PCLO: variants seen among roughly 807,000 people sequenced by gnomAD.
PCLO encodes the protein piccolo presynaptic cytomatrix protein, also known as protein piccolo.
A neutral mutation model predicts 427.5 loss-of-function variants in PCLO; 82 were observed. The observed-to-expected ratio is 0.19, with a 90% CI of 0.16 to 0.23. PCLO has a LOEUF of 0.23. Ranked by LOEUF, PCLO falls within the 10% of genes least tolerant of loss-of-function variation. PCLO has a pLI of 1.00. For synonymous variants in PCLO, 2,357 were observed against 2,155.4 expected (o/e 1.09, Z -2.59); for missense variants, 6,239 against 6,115.9 (o/e 1.02, Z -0.67).
In PCLO at chr7:82,887,016, C is replaced by A. The variant is rs184790556; in HGVS notation, c.13529-7554G>T. Among the ~76,000 whole-genome samples, 721 of 152,232 alleles carry A rather than the reference C, an allele frequency of 4.7e-3. 4 individuals carry two copies. Among genetic ancestry groups the A allele is most frequent in the African/African-American group, 0.017 (689 of 41,548 alleles). On this transcript the variant is annotated intron_variant, in intron 9 of 24. Transcript: ENST00000333891. The stretch of plus-strand genomic sequence containing the variant: ...TTTAGTGTATTTGATTTTTCTCAAT[C>A]TCTTCAGTATTGTCTTCAGGGATGG...
At position 82,953,361 on chromosome 7, in the gene PCLO, G is replaced by A. The variant is rs1795411302; in HGVS notation, c.7592C>T (p.Pro2531Leu). Residue 2531 changes from proline to leucine, a missense_variant, in exon 5 of 25, where the codon CCC (proline) becomes CTC (leucine). Transcript: ENST00000333891. Reference sequence around the variant, plus strand: ...AGTTAAAGATAGGCCTGTTGGTTTGGGGTGTATATCTGTTGGTTTTTGTGT... The same window carrying A: ...AGTTAAAGATAGGCCTGTTGGTTTGAGGTGTATATCTGTTGGTTTTTGTGT... ...TTTQKPTDIHPKPTGLSLTSS... is the reference protein window; with the variant it reads ...TTTQKPTDIHLKPTGLSLTSS... 1 of 1,613,650 alleles carries A rather than the reference G, an allele frequency of 6.2e-7. No homozygotes were observed. The highest frequency in any genetic ancestry group is 1.7e-5 in the Admixed American group (1 of 59,958).
At chr7:83,129,720 A>C (rs1032351638) in intron 3 of PCLO, among the ~76,000 whole-genome samples, 2 of 152,218 alleles carry the variant, frequency 1.3e-5, no homozygotes, top group African/African-American at 4.8e-5. Flanking sequence ...AAAAACATAC[A>C]TCCATAGAAT....
chr7:82,949,436 A>T (rs1270459801), intron 6 of PCLO, 40 bp downstream of exon 6: 1 of 1,431,078 alleles, frequency 7.0e-7, no homozygotes, highest in Admixed American at 2.2e-5. Context: ...ATGATTAATA[A>T]CTCATCCATT....
chr7:82,763,108 G>C (rs749972501), intron 22 of PCLO, among the ~76,000 whole-genome samples: 2 of 152,044 alleles, frequency 1.3e-5, no homozygotes, highest in African/African-American at 4.8e-5. Flanking sequence ...ATGAATATTA[G>C]AAAGAAATGC....
chr7:82,855,874 G>A (rs932112910), intron 10 of PCLO, among the ~76,000 whole-genome samples: 4 of 152,090 alleles, frequency 2.6e-5, no homozygotes, highest in Non-Finnish European at 5.9e-5. Flanking sequence ...AAAGGAAGTA[G>A]GGACCAGCAT....
chr7:82,823,247 C>G (rs763870320), intron 19 of PCLO, among the ~76,000 whole-genome samples: 15 of 152,100 alleles, frequency 9.9e-5, no homozygotes, highest in Non-Finnish European at 1.6e-4. Flanking sequence ...AAAACTCATT[C>G]ATAAATAATC....
chr7:82,991,108 G>T (rs930384148), intron 3 of PCLO, among the ~76,000 whole-genome samples: 2 of 152,032 alleles, frequency 1.3e-5, no homozygotes, highest in African/African-American at 4.8e-5. Context: ...AATGTTCTAA[G>T]AATTCTTTCT....
chr7:83,009,621 C>T (rs1788029805), intron 3 of PCLO, among the ~76,000 whole-genome samples: 1 of 151,690 alleles, frequency 6.6e-6, no homozygotes, highest in Admixed American at 6.6e-5. Flanking sequence ...GAATACAAAG[C>T]TCGTATCAAA....
At position 82,950,020 on chromosome 7, in the gene PCLO, T is replaced by C; in HGVS notation, c.10568A>G (p.Glu3523Gly). 1 of 1,613,288 alleles carries C rather than the reference T, an allele frequency of 6.2e-7. No individual in the cohort carries two copies. Among genetic ancestry groups the C allele is most frequent in the Non-Finnish European group, 8.5e-7 (1 of 1,179,762 alleles). The change falls in exon 6 of 25, where the codon GAG (glutamate) becomes GGG (glycine). Residue 3523 changes from glutamate (E) to glycine (G), a missense_variant. Physicochemically the swap from Glu to Gly is moderately conservative, Grantham distance 98. Transcript: ENST00000333891. ...VSSIAVQTVA[E>G]ISVQTEPVGT... Reference sequence around the variant, plus strand: ...AACTGGTTCAGTTTGCACAGATATCTCTGCTACCGTTTGAACTGCTATGCT... The same window carrying C: ...AACTGGTTCAGTTTGCACAGATATCCCTGCTACCGTTTGAACTGCTATGCT...
At chr7:82,810,887 A>G (rs148459919) in intron 20 of PCLO, among the ~76,000 whole-genome samples, 43 of 151,808 alleles carry the variant, frequency 2.8e-4, no homozygotes, top group African/African-American at 9.4e-4. Context: ...TAAATTGTAG[A>G]CTTCACTTTT....
intron 9 of PCLO, among the ~76,000 whole-genome samples, chr7:82,901,531 T>C (rs950922020): frequency 2.6e-5 from 4 of 151,978 alleles, no homozygotes; most frequent in Non-Finnish European, 5.9e-5. Context: ...ACTTCATGTC[T>C]AAAACACCAA....
chr7:82,959,076 A>AT lies in PCLO; in HGVS notation c.4018-2142dup, dbSNP rs539174690. ...GTGTATTCTTATTTTTCTTCTTACT[A>AT]TTTTTTTTTAGATGGAGTCACGCTC... On this transcript the variant is annotated intron_variant, in intron 4 of 24. Transcript: ENST00000333891. 8.5e-3 allele frequency among the ~76,000 whole-genome samples: 1,285 copies of AT among 150,830 alleles called. 9 individuals are homozygous for AT. Among genetic ancestry groups the AT allele is most frequent in the Non-Finnish European group, 0.011 (727 of 67,598 alleles).
In PCLO at chr7:82,951,135, T is replaced by G. The variant is rs757738249; in HGVS notation, c.9453A>C (p.Glu3151Asp). Residue 3151 changes from glutamate (E) to aspartate (D), a missense_variant, in exon 6 of 25, where the codon GAA (glutamate) becomes GAC (aspartate). Glu to Asp is a conservative substitution (Grantham distance 45). This residue lies in a region of PCLO where 4,677 missense variants were observed against 4,468.4 expected (regional missense o/e 1.05). Coordinates refer to ENST00000333891, the MANE Select transcript of PCLO (RefSeq NM_033026.6). ...RSYFITTGAS[E>D]TDIAVTGIDI... is the part of the protein sequence containing the mutation. ...CAATACCAGTTACTGCAATGTCCGT[T>G]TCAGATGCACCTGTTGTTATAAAAT... is the stretch of plus-strand genomic sequence containing the variant. 1.9e-6 allele frequency: 3 copies of G among 1,613,812 alleles called. No homozygotes were observed. The highest frequency in any genetic ancestry group is 2.5e-6 in the Non-Finnish European group (3 of 1,179,800).
At chr7:83,023,318 A>G (rs1379424923) in intron 3 of PCLO, among the ~76,000 whole-genome samples, 1 of 152,228 alleles carries the variant, frequency 6.6e-6, no homozygotes. Context: ...AACTACTTAT[A>G]ATATTATGAC....
intron 20 of PCLO, among the ~76,000 whole-genome samples, chr7:82,811,268 T>A (rs1007254593): frequency 1.3e-5 from 2 of 151,558 alleles, no homozygotes; most frequent in Non-Finnish European, 3.0e-5. Context: ...ATTTGGGAAT[T>A]TTTACCCCCT....
intron 6 of PCLO, among the ~76,000 whole-genome samples, chr7:82,935,874 T>C (rs1212202581): frequency 6.6e-6 from 1 of 151,666 alleles, no homozygotes; most frequent in Non-Finnish European, 1.5e-5. Flanking sequence ...AGAATCAACC[T>C]TTCTGGAACT....
chr7:83,123,683 C>T (rs1438169644), intron 3 of PCLO, among the ~76,000 whole-genome samples: 1 of 152,076 alleles, frequency 6.6e-6, no homozygotes, highest in Admixed American at 6.5e-5. Context: ...AGTGAAGGGA[C>T]AACCCATATA....
intron 9 of PCLO, 78 bp downstream of exon 9, chr7:82,902,573 T>A (rs748989412): frequency 3.9e-6 from 2 of 515,374 alleles, no homozygotes; most frequent in Non-Finnish European, 7.1e-6. Context: ...ACTGAAAGTA[T>A]AATAATAAAA....
chr7:83,155,192 C>T lies in PCLO; in HGVS notation c.1449G>A (p.Gln483=). 1 of 1,609,586 alleles carries T rather than the reference C, an allele frequency of 6.2e-7. No individual in the cohort carries two copies. Among genetic ancestry groups the T allele is most frequent in the Non-Finnish European group, 8.5e-7 (1 of 1,178,798 alleles). The part of the protein sequence containing the change: ...LPGPAKPPPQ[Q]PGPAKPPPQQ... ...GAGGTGGGGGCTTTGCTGGGCCAGG[C>T]TGTTGAGGTGGGGGCTTTGCTGGGC... The change falls in exon 2 of 25, where the codon CAG becomes CAA. Residue 483 remains glutamine, a synonymous_variant. Transcript: ENST00000333891.
Sources: gnomAD v4.1 joint callset for allele counts (sites outside exome capture counted in the v4.1 genomes callset) on GRCh38, gnomAD v4.1.1 for gene constraint, gnomAD v4.1.1 regional missense constraint, MANE v1.5 for transcripts, NCBI Gene and HGNC (gene_info 2026-07-23, HGNC 2026-07-21) for gene names.